Variants in TTC28 observed in about 807,000 individuals in gnomAD.
The protein encoded by TTC28 is tetratricopeptide repeat protein 28.
A neutral mutation model predicts 198.0 loss-of-function variants in TTC28; 61 were observed. That is an observed-to-expected ratio of 0.31 (90% CI 0.25 to 0.38). The LOEUF is 0.38. Among genes scored for constraint, TTC28 ranks in the 10% least tolerant of loss-of-function variants. The pLI, the probability that TTC28 is intolerant of heterozygous loss-of-function variation, is 1.00. For missense variants in TTC28, 2,678 were observed against 3,164.0 expected (o/e 0.85, Z 3.69); for synonymous variants, 1,171 against 1,297.8 (o/e 0.90, Z 2.10).
At chr22:28,345,648 G>A (rs902990975) in intron 2 of TTC28, among the ~76,000 whole-genome samples, 1 of 152,154 alleles carries the variant, frequency 6.6e-6, no homozygotes, top group African/African-American at 2.4e-5. Context: ...TGGTTACAAA[G>A]ACAAGAAATA....
At chr22:28,282,324 A>G (rs960811643) in intron 5 of TTC28, among the ~76,000 whole-genome samples, 2 of 152,244 alleles carry the variant, frequency 1.3e-5, no homozygotes, top group African/African-American at 4.8e-5. Flanking sequence ...CTATATAAAA[A>G]TGAAAATAGT....
At chr22:28,089,491 A>G (rs1187448004) in intron 12 of TTC28, among the ~76,000 whole-genome samples, 1 of 148,414 alleles carries the variant, frequency 6.7e-6, no homozygotes, top group Non-Finnish European at 1.5e-5. Context: ...AGGAAGGGGA[A>G]CATCACACTC....
intron 2 of TTC28, among the ~76,000 whole-genome samples, chr22:28,611,495 C>CTCTTTT (rs2050817317): frequency 7.9e-6 from 1 of 126,698 alleles, no homozygotes; most frequent in East Asian, 2.1e-4. Flanking sequence ...AAATAAAAGC[C>CTCTTTT]TTTTTTTTAA....
At chr22:28,567,884 C>T (rs576828754) in intron 2 of TTC28, among the ~76,000 whole-genome samples, 1 of 151,966 alleles carries the variant, frequency 6.6e-6, no homozygotes, top group African/African-American at 2.4e-5. Flanking sequence ...CCTAATTAAA[C>T]CCAATCAGAA....
chr22:28,397,385 A>C (rs202019254), intron 2 of TTC28, among the ~76,000 whole-genome samples: 1 of 152,248 alleles, frequency 6.6e-6, no homozygotes, highest in East Asian at 1.9e-4. Context: ...ATTGTCATGA[A>C]TAAGAGGCAA....
chr22:28,440,716 A>T (rs964008542), intron 2 of TTC28, among the ~76,000 whole-genome samples: 2 of 152,238 alleles, frequency 1.3e-5, no homozygotes, highest in South Asian at 4.1e-4. Context: ...ATGTGACTGT[A>T]TCACTACAAA....
chr22:28,210,153 G>A (rs1926796498), intron 5 of TTC28, among the ~76,000 whole-genome samples: 1 of 152,134 alleles, frequency 6.6e-6, no homozygotes, highest in Admixed American at 6.5e-5. Flanking sequence ...CATCACCAAA[G>A]ACCAAAGGTA....
intron 2 of TTC28, among the ~76,000 whole-genome samples, chr22:28,561,501 C>T (rs2049879923): frequency 6.6e-6 from 1 of 152,310 alleles, no homozygotes; most frequent in Non-Finnish European, 1.5e-5. Flanking sequence ...AAGGCAGGGA[C>T]TCTGTCATGA....
chr22:28,500,890 GTT>G (rs1334585309), intron 2 of TTC28, among the ~76,000 whole-genome samples: 44 of 152,232 alleles, frequency 2.9e-4, no homozygotes, highest in African/African-American at 9.9e-4. Context: ...ATGCTGCATT[GTT>G]CAGTTAGAAT....
intron 2 of TTC28, among the ~76,000 whole-genome samples, chr22:28,392,730 G>T (rs1202129818): frequency 6.6e-6 from 1 of 152,136 alleles, no homozygotes; most frequent in East Asian, 1.9e-4. Context: ...CCACTGACCT[G>T]CGCCCACTGT....
chr22:28,515,307 TA>T (rs2048763424), intron 2 of TTC28, among the ~76,000 whole-genome samples: 1 of 152,224 alleles, frequency 6.6e-6, no homozygotes. Context: ...AAAACCTTCA[TA>T]ATTATTTTCA....
rs138327753 is a variant in TTC28 at position 28,500,645 on chromosome 22, C to T, written c.381+128907G>A. ...AATCTTGCTAGGACATAGCTAATTA[C>T]ATTAAAGACTACGATATGCAGAAAG... On this transcript the variant is annotated intron_variant, in intron 2 of 22. Coordinates refer to ENST00000397906, the MANE Select transcript of TTC28 (RefSeq NM_001145418.2). Among the ~76,000 whole-genome samples the T allele has an allele frequency of 1.4e-4, 21 of 152,240 alleles. No individual in the cohort carries two copies. The East Asian group carries it at 3.5e-3, about 25-fold the overall frequency.
At chr22:28,026,772 T>G (rs1938851517) in intron 13 of TTC28, among the ~76,000 whole-genome samples, 1 of 152,216 alleles carries the variant, frequency 6.6e-6, no homozygotes, top group South Asian at 2.1e-4. Context: ...CTTTGTCCTC[T>G]GTTTTGGCTC....
At chr22:28,623,481 T>C (rs1457485649) in intron 2 of TTC28, among the ~76,000 whole-genome samples, 1 of 151,858 alleles carries the variant, frequency 6.6e-6, no homozygotes, top group Non-Finnish European at 1.5e-5. Flanking sequence ...TGAAGACAAA[T>C]AGAATAACAA....
chr22:28,595,225 C>T (rs1046785160), intron 2 of TTC28, among the ~76,000 whole-genome samples: 2 of 152,114 alleles, frequency 1.3e-5, no homozygotes, highest in Non-Finnish European at 2.9e-5. Flanking sequence ...AATGATTAAT[C>T]TTTACAACAT....
chr22:28,511,855 C>A (rs1026782582), intron 2 of TTC28, among the ~76,000 whole-genome samples: 9 of 150,782 alleles, frequency 6.0e-5, no homozygotes, highest in Non-Finnish European at 1.3e-4. Flanking sequence ...ACCTCTAAAA[C>A]CCCTAGAAGA....
intron 2 of TTC28, among the ~76,000 whole-genome samples, chr22:28,472,633 T>C (rs983956636): frequency 6.7e-6 from 1 of 148,592 alleles, no homozygotes; most frequent in Non-Finnish European, 1.5e-5. Context: ...AACCGTAAAA[T>C]AAGAACAGGT....
intron 2 of TTC28, among the ~76,000 whole-genome samples, chr22:28,511,858 C>T (rs1471882938): frequency 2.0e-5 from 3 of 151,594 alleles, no homozygotes; most frequent in African/African-American, 4.8e-5. Flanking sequence ...TCTAAAACCC[C>T]TAGAAGAAAA....
At chr22:28,170,464 G>C (rs960389656) in intron 5 of TTC28, among the ~76,000 whole-genome samples, 3 of 150,980 alleles carry the variant, frequency 2.0e-5, no homozygotes, top group East Asian at 3.9e-4. Context: ...ACTCCAGCCC[G>C]GGTGACAGAG....
Sources: gnomAD v4.1 joint callset for allele counts (sites outside exome capture counted in the v4.1 genomes callset) on GRCh38, gnomAD v4.1.1 for gene constraint, MANE v1.5 for transcripts, NCBI Gene and HGNC (gene_info 2026-07-23, HGNC 2026-07-21) for gene names.